The following MAP4 variants were observed in gnomAD, a reference collection of about 807,000 sequenced individuals.
The protein encoded by MAP4 is microtubule-associated protein 4.
Under a neutral mutation model 170.2 loss-of-function variants are expected in MAP4, and 76 were observed. That is an observed-to-expected ratio of 0.45 (90% confidence interval 0.37 to 0.54). The LOEUF (loss-of-function observed/expected upper bound fraction) is 0.54, where lower values mean the gene tolerates loss of function less well. MAP4 is among the 20% of genes least tolerant of loss of function. MAP4 has a pLI of 0.00. For missense variants in MAP4, 2,506 were observed against 2,748.0 expected (o/e 0.91, Z 1.97); for synonymous variants, 909 against 994.5 (o/e 0.91, Z 1.62).
intron 3 of MAP4, among the ~76,000 whole-genome samples, chr3:47,937,502 C>T (rs1051614534): frequency 2.0e-5 from 3 of 151,994 alleles, no homozygotes; most frequent in Non-Finnish European, 2.9e-5. Flanking sequence ...TCACAAAACA[C>T]AAATGTAATA....
At chr3:47,945,824 A>T (rs1028883304) in intron 3 of MAP4, among the ~76,000 whole-genome samples, 1 of 151,680 alleles carries the variant, frequency 6.6e-6, no homozygotes, top group Non-Finnish European at 1.5e-5. Flanking sequence ...GGCTCAAGTG[A>T]CCTCAGTCTC....
intron 3 of MAP4, among the ~76,000 whole-genome samples, chr3:47,946,915 A>G (rs1003699230): frequency 2.0e-5 from 3 of 152,190 alleles, no homozygotes; most frequent in Non-Finnish European, 2.9e-5. Flanking sequence ...ATGATTTACA[A>G]GTAGCCATAA....
At chr3:48,087,777 A>T (rs919296686) in intron 1 of MAP4, among the ~76,000 whole-genome samples, 2 of 150,234 alleles carry the variant, frequency 1.3e-5, no homozygotes, top group Non-Finnish European at 3.0e-5. Context: ...ACACACACAC[A>T]CTGCAAGAAA....
rs189532431 is a variant in MAP4 at position 47,959,338 on chromosome 3, G to T, written c.292+18527C>A. The stretch of plus-strand genomic sequence containing the variant: ...CCGAGCGTGGTAGCACACACCTGTG[G>T]TCCCAGCTACTTGGGAGGCTGAGAG... On this transcript the variant is annotated intron_variant, in intron 3 of 20. Transcript: ENST00000683076. Among the ~76,000 whole-genome samples, 269 of 152,068 alleles carry T rather than the reference G, an allele frequency of 1.8e-3. No homozygotes were observed. In the Middle Eastern group the frequency reaches 0.034, roughly 19 times the overall value.
intron 1 of MAP4, among the ~76,000 whole-genome samples, chr3:48,085,136 T>C (rs2100148447): frequency 1.3e-5 from 2 of 151,212 alleles, no homozygotes; most frequent in Non-Finnish European, 2.9e-5. Context: ...TCTCAGATTT[T>C]CTCACATCTT....
rs574174386 is a variant in MAP4 at position 47,875,732 on chromosome 3, C to A, written c.5710G>T (p.Ala1904Ser). ...PAAPPKRPAVASARPSILPSK... is the reference protein window; with the variant it reads ...PAAPPKRPAVSSARPSILPSK... ...GGTAAGATGGAAGGCCTGGCAGAGG[C>A]GACGGCAGGGCGTTTGGGTGGGGCA... is the stretch of plus-strand genomic sequence containing the variant. Residue 1904 changes from alanine (A) to serine (S), a missense_variant, in exon 12 of 21, where the codon GCC (alanine) becomes TCC (serine). By Grantham distance (99) the Ala-to-Ser change is moderately conservative. Around this residue, in one of 3 missense-constraint regions of MAP4, gnomAD observed 487 missense variants for 511.6 expected, o/e 0.95. Coordinates refer to ENST00000683076, the MANE Select transcript of MAP4 (RefSeq NM_001385682.1). The A allele has an allele frequency of 1.2e-6, 2 of 1,613,606 alleles. No individual in the cohort carries two copies. The highest frequency in any genetic ancestry group is 3.3e-5 in the Admixed American group (2 of 59,918).
At chr3:47,863,013 G>A (rs2070729341) in intron 17 of MAP4, among the ~76,000 whole-genome samples, 1 of 143,002 alleles carries the variant, frequency 7.0e-6, no homozygotes, top group Non-Finnish European at 1.5e-5. Flanking sequence ...TTTCGCTCTT[G>A]TTGCCCAGGC....
chr3:47,980,260 T>C (rs562736180), intron 2 of MAP4, among the ~76,000 whole-genome samples: 1 of 152,326 alleles, frequency 6.6e-6, no homozygotes, highest in East Asian at 1.9e-4. Context: ...ATTGACTATA[T>C]AGATCAATTT....
intron 1 of MAP4, among the ~76,000 whole-genome samples, chr3:48,045,984 CTTT>C (rs59624917): frequency 1.1e-4 from 15 of 130,810 alleles, no homozygotes; most frequent in East Asian, 4.3e-4. Context: ...TGCATCACTT[CTTT>C]TTTTTTTTTT....
At chr3:47,951,277 T>C (rs1167940206) in intron 3 of MAP4, among the ~76,000 whole-genome samples, 1 of 151,986 alleles carries the variant, frequency 6.6e-6, no homozygotes, top group African/African-American at 2.4e-5. Context: ...CTGAAGAAAC[T>C]TTTTAAAGTA....
intron 2 of MAP4, among the ~76,000 whole-genome samples, chr3:47,981,219 C>T (rs932075550): frequency 2.0e-5 from 3 of 152,066 alleles, no homozygotes; most frequent in Non-Finnish European, 2.9e-5. Context: ...GAGAGCACTT[C>T]GTGTTACCGA....
intron 10 of MAP4, chr3:47,892,873 T>C (rs889419838): frequency 9.8e-7 from 1 of 1,016,848 alleles, no homozygotes; most frequent in African/African-American, 1.7e-5. Flanking sequence ...TATAGATACG[T>C]GCATACCCAC....
chr3:47,998,755 C>T lies in MAP4; in HGVS notation c.106G>A (p.Asp36Asn). ...IATLEAEAFD[D>N]VVGETVGKTD... The stretch of plus-strand genomic sequence containing the variant: ...TTTCCAACAGTTTCTCCCACAACAT[C>T]ATCAAAGGCCTCTGCCTCTAGTGTG... The change falls in exon 2 of 21, where the codon GAT becomes AAT. Residue 36 changes from aspartate to asparagine, a missense_variant. By Grantham distance (23) the Asp-to-Asn change is conservative (BLOSUM62 1). This residue lies in a region of MAP4 where 2,008 missense variants were observed against 2,206.0 expected (regional missense o/e 0.91). Coordinates refer to ENST00000683076, the MANE Select transcript of MAP4 (RefSeq NM_001385682.1). The T allele has an allele frequency of 6.2e-7, 1 of 1,614,018 alleles. No homozygotes were observed. The highest frequency in any genetic ancestry group is 8.5e-7 in the Non-Finnish European group (1 of 1,179,886).
At chr3:47,932,739 G>A (rs1353427355) in intron 3 of MAP4, among the ~76,000 whole-genome samples, 3 of 152,118 alleles carry the variant, frequency 2.0e-5, no homozygotes, top group African/African-American at 7.2e-5. Flanking sequence ...CGTGAAATGA[G>A]TGGGGTCTCA....
At chr3:48,084,173 G>A (rs2154571760) in intron 1 of MAP4, among the ~76,000 whole-genome samples, 1 of 149,030 alleles carries the variant, frequency 6.7e-6, no homozygotes, top group Non-Finnish European at 1.5e-5. Flanking sequence ...TCGCGCCACT[G>A]TACTCCAGCC....
In MAP4 at chr3:47,853,312, G is replaced by A. The variant is rs1284422333; in HGVS notation, c.6737C>T (p.Pro2246Leu). The change falls in exon 20 of 21, where the codon CCC (proline) becomes CTC (leucine). Residue 2246 changes from proline to leucine, a missense_variant. By Grantham distance (98) the Pro-to-Leu change is moderately conservative (BLOSUM62 -3). Around this residue, in one of 3 missense-constraint regions of MAP4, gnomAD observed 487 missense variants for 511.6 expected, o/e 0.95. Transcript: ENST00000683076. ...GATGGCCGGCTCCTCCCCAGCAGGG[G>A]GACCCGGACACAGAGGAGCCTCGCT... ...GGSEAPLCPG[P>L]PAGEEPAISE... 3 of 1,611,096 alleles carry A rather than the reference G, an allele frequency of 1.9e-6. No homozygotes were observed. The highest frequency in any genetic ancestry group is 2.2e-5 in the East Asian group (1 of 44,854).
Position 47,870,916 on chromosome 3 carries a change from C to A in MAP4, c.6191G>T (p.Arg2064Leu). 6.2e-7 allele frequency: 1 copy of A among 1,613,894 alleles called. No homozygotes were observed. The highest frequency in any genetic ancestry group is 8.5e-7 in the Non-Finnish European group (1 of 1,179,900). ...TSAKPSSTTP[R>L]LSRLATNTSA... ...AGTATTGGTGGCCAGGCGGCTGAGC[C>A]GGGGGGTGGTGGAGCTGGGTTTGGC... Residue 2064 changes from arginine (R) to leucine (L), a missense_variant, in exon 15 of 21, where the codon CGG becomes CTG. Physicochemically the swap from Arg to Leu is moderately radical, Grantham distance 102. Around this residue, in one of 3 missense-constraint regions of MAP4, gnomAD observed 487 missense variants for 511.6 expected, o/e 0.95. Coordinates refer to ENST00000683076, the MANE Select transcript of MAP4 (RefSeq NM_001385682.1).
intron 1 of MAP4, among the ~76,000 whole-genome samples, chr3:48,056,632 C>CT (rs2100131900): frequency 6.6e-5 from 8 of 121,814 alleles, no homozygotes; most frequent in East Asian, 2.4e-4. Flanking sequence ...GTCAGCCCCC[C>CT]GCCCGGCCAG....
intron 4 of MAP4, 47 bp downstream of exon 4, chr3:47,928,181 T>G (rs748730942): frequency 6.2e-7 from 1 of 1,606,612 alleles, no homozygotes; most frequent in Non-Finnish European, 8.5e-7. Flanking sequence ...TTTTTCACAT[T>G]TATGTCATAG....
Sources: allele counts gnomAD v4.1 joint callset (sites outside exome capture counted in the v4.1 genomes callset), GRCh38; gene constraint gnomAD v4.1.1; regional missense constraint gnomAD v4.1.1; transcripts MANE v1.5; gene names NCBI Gene and HGNC (gene_info 2026-07-23, HGNC 2026-07-21).